Variants in LHX9 observed in about 807,000 individuals in gnomAD.
The protein encoded by LHX9 is LIM/homeobox protein Lhx9.
LHX9 carries 9 observed loss-of-function variants against 36.5 expected under a neutral mutation model. That is an observed-to-expected ratio of 0.25 (90% CI 0.15 to 0.43). The LOEUF (loss-of-function observed/expected upper bound fraction) is 0.43. LHX9 is among the 20% of genes least tolerant of loss of function. The pLI is 1.00. For missense variants in LHX9, 464 were observed against 526.4 expected, an observed-to-expected ratio of 0.88 and a Z score of 1.16; for synonymous variants, 211 against 212.1, an observed-to-expected ratio of 0.99 and a Z score of 0.04.
rs1036549678 is a variant in LHX9 at position 197,931,193 on chromosome 1, C to T, written c.*1934C>T. 2 of 151,900 alleles carry T rather than the reference C, an allele frequency of 1.3e-5. No individual in the cohort carries two copies. Among genetic ancestry groups the T allele is most frequent in the South Asian group, 4.1e-4 (2 of 4,822 alleles). 9.4% of individuals were successfully genotyped at this position (151,900 alleles called of 1,614,324 possible). On this transcript the variant is annotated 3_prime_UTR_variant, in exon 5 of 5. Transcript: ENST00000367387. Reference sequence around the variant, plus strand: ...ACCTCACTAGTTTTGTACTGTTTTACCTCTTATTTCTGAAACTCTTTTTAT... The same window carrying T: ...ACCTCACTAGTTTTGTACTGTTTTATCTCTTATTTCTGAAACTCTTTTTAT...
upstream of LHX9, among the ~76,000 whole-genome samples, chr1:197,915,318 C>T (rs571069060): frequency 3.0e-4 from 46 of 152,336 alleles, no homozygotes; most frequent in Admixed American, 8.5e-4. Context: ...TCTCCCTCTC[C>T]TCCTCCAGCT....
Position 197,932,820 on chromosome 1 carries a change from A to T in LHX9, c.*3561A>T, listed in dbSNP as rs1426047910. The T allele has an allele frequency of 6.6e-6, 1 of 152,106 alleles. No homozygotes were observed. The highest frequency in any genetic ancestry group is 1.5e-5 in the Non-Finnish European group (1 of 67,944). 9.4% of individuals were successfully genotyped at this position (152,106 alleles called of 1,614,324 possible). ...GTATTAAAAATAAAAAACAAAGTGAACCCAAATTACAACAAAATAAACCTT... is the reference window on the plus strand; with the variant it reads ...GTATTAAAAATAAAAAACAAAGTGATCCCAAATTACAACAAAATAAACCTT... On this transcript the variant is annotated 3_prime_UTR_variant, in exon 5 of 5. Transcript: ENST00000367387.
At chr1:197,927,856 C>A in intron 4 of LHX9, 63 bp downstream of exon 4, 1 of 1,408,218 alleles carries the variant, frequency 7.1e-7, no homozygotes, top group Non-Finnish European at 1.0e-6. Flanking sequence ...AAAAATAGTG[C>A]TCTTCCCTGG....
Position 197,928,098 on chromosome 1 carries a change from G to A in LHX9, c.936+305G>A, listed in dbSNP as rs79021471. ...GCGAGTGATGTTATTTGCACAGGCC[G>A]TGGCTTTATCGATTTCCATTAATAT... On this transcript the variant is annotated intron_variant, in intron 4 of 4. Coordinates refer to ENST00000367387, the MANE Select transcript of LHX9 (RefSeq NM_020204.3). Among the ~76,000 whole-genome samples the A allele has an allele frequency of 5.3e-4, 80 of 152,266 alleles. No homozygotes were observed. The East Asian group carries it at 0.015, about 29-fold the overall frequency.
chr1:197,928,164 G>T (rs1217888975), intron 4 of LHX9, among the ~76,000 whole-genome samples: 1 of 152,184 alleles, frequency 6.6e-6, no homozygotes, highest in Non-Finnish European at 1.5e-5. Context: ...TGTTGGCACT[G>T]CCTTAACTCG....
rs1323390333 is a variant in LHX9 at position 197,933,755 on chromosome 1, A to AG, written c.*4496_*4497insG. The stretch of plus-strand genomic sequence containing the variant: ...TTTTTTAAAACCAAAAAAAAAAAAA[A>AG]AAAGAGAGAGAGAGAGAAAGGAGTA... On this transcript the variant is annotated 3_prime_UTR_variant, in exon 5 of 5. Transcript: ENST00000367387. 2 of 151,652 alleles carry AG rather than the reference A, an allele frequency of 1.3e-5. No homozygotes were observed. Among genetic ancestry groups the AG allele is most frequent in the Admixed American group, 6.6e-5 (1 of 15,206 alleles). The allele number at this position is 151,652 out of a possible 1,614,324, so 9.4% of individuals were successfully genotyped here. A position where few individuals can be genotyped will look rare whatever the true frequency, so the allele number is the denominator to read the frequency against.
intron 1 of LHX9, chr1:197,918,796 C>CCGG (rs368086643): frequency 2.4e-4 from 2 of 8,484 alleles, no homozygotes; most frequent in African/African-American, 7.3e-4. Context: ...AGATTACTAA[C>CCGG]GGGGGGGGGG....
At chr1:197,916,516 A>G, upstream of LHX9, 2 of 606,764 alleles carry the variant, frequency 3.3e-6, no homozygotes, top group Non-Finnish European at 5.9e-6. Context: ...CAAATGAGAC[A>G]TTAGAATCTC....
Position 197,929,398 on chromosome 1 carries a change from T to A in LHX9, c.*139T>A. On this transcript the variant is annotated 3_prime_UTR_variant, in exon 5 of 5. Coordinates refer to ENST00000367387, the MANE Select transcript of LHX9 (RefSeq NM_020204.3). ...TTGGGGAATAAAAATAACAGCTTGG[T>A]GTGTAGCATCTGCAGCCACTTGGCA... 6 of 1,178,390 alleles carry A rather than the reference T, an allele frequency of 5.1e-6. No homozygotes were observed. The highest frequency in any genetic ancestry group is 6.3e-6 in the Non-Finnish European group (6 of 959,002). 73.0% of individuals were successfully genotyped at this position (1,178,390 alleles called of 1,614,324 possible).
rs1332153764 is a variant in LHX9, at chr1:197,932,275, T to A, written c.*3016T>A. ...TGAAAAAAATTATTATTGAAAAAAA[T>A]TTCACACATTTGTCAAGCACAGTTG... is the stretch of plus-strand genomic sequence containing the variant. On this transcript the variant is annotated 3_prime_UTR_variant, in exon 5 of 5. Coordinates refer to ENST00000367387, the MANE Select transcript of LHX9 (RefSeq NM_020204.3). The A allele has an allele frequency of 3.7e-6, 1 of 267,348 alleles. No homozygotes were observed. Among genetic ancestry groups the A allele is most frequent in the Non-Finnish European group, 7.1e-6 (1 of 141,222 alleles). 16.6% of individuals were successfully genotyped at this position (267,348 alleles called of 1,614,324 possible).
rs1307246045 is a variant in LHX9 at position 197,918,054 on chromosome 1, C to A, written c.174+57C>A. ...GGCACCCCTGCGCCCTCTGTTAAAC[C>A]AAGCCGACTCCCTGGCCGGTGGAGA... On this transcript the variant is annotated intron_variant, in intron 1 of 4. Transcript: ENST00000367387. The A allele has an allele frequency of 3.2e-6, 5 of 1,557,790 alleles. No homozygotes were observed. The South Asian group carries it at 4.7e-5, about 15-fold the overall frequency.
In LHX9 at chr1:197,933,787, A is replaced by ATGT. The variant is rs1571411268; in HGVS notation, c.*4529_*4531dup. ...AGAGAGAGAGAAAGGAGTACTAATT[A>ATGT]TGTGAGTGGGAAGAGGAAGCGTGTG... On this transcript the variant is annotated 3_prime_UTR_variant, in exon 5 of 5. Transcript: ENST00000367387. The ATGT allele has an allele frequency of 6.7e-6, 1 of 148,960 alleles. No homozygotes were observed. Among genetic ancestry groups the ATGT allele is most frequent in the East Asian group, 2.0e-4 (1 of 5,100 alleles). 9.2% of individuals were successfully genotyped at this position (148,960 alleles called of 1,614,324 possible).
At chr1:197,914,223 TG>T (rs1197409840), upstream of LHX9, among the ~76,000 whole-genome samples, 2 of 152,348 alleles carry the variant, frequency 1.3e-5, no homozygotes, top group Admixed American at 1.3e-4. Context: ...TCAAGGGACC[TG>T]CCCCATTATA....
At chr1:197,918,360 A>G (rs1252694647) in intron 1 of LHX9, 2 of 717,324 alleles carry the variant, frequency 2.8e-6, no homozygotes, top group Middle Eastern at 2.3e-4. Flanking sequence ...CAAGCTGGGC[A>G]TAAGCAATAG....
At position 197,929,861 on chromosome 1, in the gene LHX9, A is replaced by C; in HGVS notation, c.*602A>C. On this transcript the variant is annotated 3_prime_UTR_variant, in exon 5 of 5. Transcript: ENST00000367387. The stretch of plus-strand genomic sequence containing the variant: ...CAGACATTTTAAATAGTAATGATTA[A>C]TTAGGTGAGAAATCTATTACAGGAA... 2 of 956,834 alleles carry C rather than the reference A, an allele frequency of 2.1e-6. No homozygotes were observed. The highest frequency in any genetic ancestry group is 2.5e-6 in the Non-Finnish European group (2 of 803,734). The allele number at this position is 956,834 out of a possible 1,614,324, so 59.3% of individuals were successfully genotyped here.
In LHX9 at chr1:197,934,053, C is replaced by T. The variant is rs1409899776; in HGVS notation, c.*4794C>T. ...GTGTCTGTGTGCTTTGGTTGAATAG[C>T]CACCTTAATACTGACTTACATAGTG... On this transcript the variant is annotated 3_prime_UTR_variant, in exon 5 of 5. Coordinates refer to ENST00000367387, the MANE Select transcript of LHX9 (RefSeq NM_020204.3). The T allele has an allele frequency of 1.3e-5, 2 of 152,108 alleles. No homozygotes were observed. Among genetic ancestry groups the T allele is most frequent in the Non-Finnish European group, 2.9e-5 (2 of 68,008 alleles). 9.4% of individuals were successfully genotyped at this position (152,108 alleles called of 1,614,324 possible).
At position 197,929,679 on chromosome 1, in the gene LHX9, T is replaced by C; in HGVS notation, c.*420T>C. ...AATAAAGAACCAGATAATTAATTAG[T>C]TACTTTTTAAATCTTGCAATTGTAT... is the stretch of plus-strand genomic sequence containing the variant. On this transcript the variant is annotated 3_prime_UTR_variant, in exon 5 of 5. Transcript: ENST00000367387. 1 of 922,552 alleles carries C rather than the reference T, an allele frequency of 1.1e-6. No individual in the cohort carries two copies. The highest frequency in any genetic ancestry group is 1.3e-6 in the Non-Finnish European group (1 of 772,688). The allele number at this position is 922,552 out of a possible 1,614,324, so 57.1% of individuals were successfully genotyped here. A position where few individuals can be genotyped will look rare whatever the true frequency, so the allele number is the denominator to read the frequency against.
Position 197,933,044 on chromosome 1 carries a change from A to T in LHX9, c.*3785A>T, listed in dbSNP as rs1359260805. On this transcript the variant is annotated 3_prime_UTR_variant, in exon 5 of 5. Coordinates refer to ENST00000367387, the MANE Select transcript of LHX9 (RefSeq NM_020204.3). Reference sequence around the variant, plus strand: ...TATTACAAACAAAAAAGCAAATGGAAAGACAGACAAATATTTAGGAATGAG... The same window carrying T: ...TATTACAAACAAAAAAGCAAATGGATAGACAGACAAATATTTAGGAATGAG... 1.3e-5 allele frequency: 2 copies of T among 152,010 alleles called. No homozygotes were observed. Among genetic ancestry groups the T allele is most frequent in the Non-Finnish European group, 1.5e-5 (1 of 67,926 alleles). The allele number at this position is 152,010 out of a possible 1,614,324, so 9.4% of individuals were successfully genotyped here.
Position 197,932,146 on chromosome 1 carries a change from G to A in LHX9, c.*2887G>A, listed in dbSNP as rs1660346850. 2 of 527,768 alleles carry A rather than the reference G, an allele frequency of 3.8e-6. No homozygotes were observed. Among genetic ancestry groups the A allele is most frequent in the East Asian group, 2.9e-5 (1 of 34,754 alleles). The allele number at this position is 527,768 out of a possible 1,614,324, so 32.7% of individuals were successfully genotyped here. ...GTTAACGAAACTTGTGTTCTTTATG[G>A]TGTCTAACACAACTGAAGGCCTAAA... On this transcript the variant is annotated 3_prime_UTR_variant, in exon 5 of 5. Transcript: ENST00000367387.
Sources: allele counts gnomAD v4.1 joint callset (sites outside exome capture counted in the v4.1 genomes callset), GRCh38; gene constraint gnomAD v4.1.1; transcripts MANE v1.5; gene names NCBI Gene and HGNC (gene_info 2026-07-23, HGNC 2026-07-21).